FSIP1: variants seen among roughly 807,000 people sequenced by gnomAD.
The protein encoded by FSIP1 is fibrous sheath interacting protein 1.
In FSIP1, 65 loss-of-function variants were observed where a neutral mutation model predicts 60.9. The ratio of observed to expected loss-of-function variants is 1.07; its 90% confidence interval spans 0.87 to 1.31. The LOEUF (loss-of-function observed/expected upper bound fraction) is 1.31. Among genes scored for constraint, FSIP1 ranks in the 40% most tolerant of loss-of-function variants. FSIP1 has a pLI of 0.00. For synonymous variants in FSIP1, 209 were observed against 221.2 expected (o/e 0.94, Z 0.49); for missense variants, 675 against 665.5 (o/e 1.01, Z -0.16).
intron 8 of FSIP1, 56 bp downstream of exon 8, chr15:39,738,035 T>C: frequency 4.0e-6 from 4 of 1,003,726 alleles, no homozygotes; most frequent in Middle Eastern, 2.1e-4. Context: ...GCCAATAATA[T>C]TATTTTTTAA....
At position 39,764,559 on chromosome 15, in the gene FSIP1, T is replaced by C. The variant is rs575411257; in HGVS notation, c.466-645A>G. Reference sequence around the variant, plus strand: ...ACCAATCTCTTATGACAAGGTTCCTTACCTTAAAGGTGCTTTCCTTTGAGG... The same window carrying C: ...ACCAATCTCTTATGACAAGGTTCCTCACCTTAAAGGTGCTTTCCTTTGAGG... On this transcript the variant is annotated intron_variant, in intron 4 of 11. Coordinates refer to ENST00000350221, the MANE Select transcript of FSIP1 (RefSeq NM_152597.5). 2.6e-5 allele frequency among the ~76,000 whole-genome samples: 4 copies of C among 152,374 alleles called. No homozygotes were observed. The South Asian group carries it at 6.2e-4, about 24-fold the overall frequency.
chr15:39,639,750 T>C (rs1408903285), intron 10 of FSIP1, among the ~76,000 whole-genome samples: 1 of 152,178 alleles, frequency 6.6e-6, no homozygotes, highest in Non-Finnish European at 1.5e-5. Context: ...AGTAGCACAC[T>C]CTGGATACCC....
At chr15:39,744,855 G>A (rs1896940939) in intron 5 of FSIP1, among the ~76,000 whole-genome samples, 1 of 150,654 alleles carries the variant, frequency 6.6e-6, no homozygotes, top group South Asian at 2.1e-4. Context: ...GAGAACAGAA[G>A]CTCTCACATG....
intron 10 of FSIP1, among the ~76,000 whole-genome samples, chr15:39,625,028 G>A (rs1028472493): frequency 2.6e-5 from 4 of 152,152 alleles, no homozygotes; most frequent in African/African-American, 9.7e-5. Flanking sequence ...ACGTTGTGGT[G>A]GTGTGGGAAG....
Position 39,679,519 on chromosome 15 carries a change from T to C in FSIP1, c.1188+33925A>G, listed in dbSNP as rs560810730. Among the ~76,000 whole-genome samples the C allele has an allele frequency of 2.0e-5, 3 of 152,240 alleles. No individual in the cohort carries two copies. In the East Asian group the frequency reaches 5.8e-4, roughly 29 times the overall value. On this transcript the variant is annotated intron_variant, in intron 10 of 11. Coordinates refer to ENST00000350221, the MANE Select transcript of FSIP1 (RefSeq NM_152597.5). ...TGGGAGGCTGAGGTGGGAAGATCAT[T>C]TGAGCCAAGGAGCTTGAGGTTACAG...
At chr15:39,732,289 G>C (rs535240373) in intron 8 of FSIP1, among the ~76,000 whole-genome samples, 1 of 152,252 alleles carries the variant, frequency 6.6e-6, no homozygotes, top group South Asian at 2.1e-4. Flanking sequence ...ACCAGTCCCC[G>C]TCCTAGAGAG....
intron 9 of FSIP1, among the ~76,000 whole-genome samples, chr15:39,722,095 G>A (rs908905067): frequency 6.6e-5 from 10 of 152,018 alleles, no homozygotes; most frequent in Middle Eastern, 3.2e-3. Context: ...TCATGTTACC[G>A]CCTGAGCTCT....
At chr15:39,613,146 A>G (rs916695155) in intron 11 of FSIP1, among the ~76,000 whole-genome samples, 41 of 152,188 alleles carry the variant, frequency 2.7e-4, no homozygotes. Flanking sequence ...TGTTTCAAAT[A>G]GCCTTCAACA....
At chr15:39,671,337 T>C (rs886856586) in intron 10 of FSIP1, among the ~76,000 whole-genome samples, 1 of 152,212 alleles carries the variant, frequency 6.6e-6, no homozygotes, top group African/African-American at 2.4e-5. Flanking sequence ...CTTTAGTTCA[T>C]TATGATGAAT....
chr15:39,723,430 C>A (rs183895620), intron 9 of FSIP1, among the ~76,000 whole-genome samples: 1 of 152,178 alleles, frequency 6.6e-6, no homozygotes, highest in Non-Finnish European at 1.5e-5. Flanking sequence ...GGGATTTCAC[C>A]ATGTTAGCCA....
intron 8 of FSIP1, among the ~76,000 whole-genome samples, chr15:39,731,626 A>AT (rs1385417188): frequency 6.6e-6 from 1 of 151,092 alleles, no homozygotes; most frequent in Non-Finnish European, 1.5e-5. Context: ...TGGCATCATC[A>AT]TTTTTTTCTA....
At chr15:39,749,971 GA>G (rs1189079387) in intron 5 of FSIP1, among the ~76,000 whole-genome samples, 1 of 151,806 alleles carries the variant, frequency 6.6e-6, no homozygotes, top group Non-Finnish European at 1.5e-5. Context: ...AAAAGTTGTA[GA>G]GTACAAAATC....
chr15:39,676,127 C>T (rs1427518443), intron 10 of FSIP1, among the ~76,000 whole-genome samples: 2 of 147,946 alleles, frequency 1.4e-5, no homozygotes, highest in African/African-American at 2.5e-5. Context: ...GAGCCAAAAT[C>T]GCGCCACTGC....
chr15:39,720,657 C>T (rs1037106139), intron 9 of FSIP1, among the ~76,000 whole-genome samples: 3 of 152,180 alleles, frequency 2.0e-5, no homozygotes, highest in Non-Finnish European at 4.4e-5. Context: ...TACATAACTC[C>T]TATATCTTAG....
chr15:39,615,564 A>T (rs1304356965), intron 11 of FSIP1, among the ~76,000 whole-genome samples: 2 of 152,090 alleles, frequency 1.3e-5, no homozygotes, highest in African/African-American at 4.8e-5. Context: ...ACGAGATGCT[A>T]CATCACACCT....
At chr15:39,700,358 A>G (rs1370451151) in intron 10 of FSIP1, among the ~76,000 whole-genome samples, 2 of 151,954 alleles carry the variant, frequency 1.3e-5, no homozygotes, top group African/African-American at 4.8e-5. Context: ...TATTTCTCTC[A>G]TGTCATTTAT....
intron 10 of FSIP1, among the ~76,000 whole-genome samples, chr15:39,662,176 G>A (rs1893323317): frequency 6.6e-6 from 1 of 152,020 alleles, no homozygotes; most frequent in Admixed American, 6.6e-5. Context: ...GCTGTGAGGA[G>A]GGGAGGAAGA....
chr15:39,711,497 G>A (rs1895504016), intron 10 of FSIP1, among the ~76,000 whole-genome samples: 1 of 152,060 alleles, frequency 6.6e-6, no homozygotes, highest in African/African-American at 2.4e-5. Context: ...TGGATCATGG[G>A]GAGTGACAGG....
At chr15:39,776,324 T>C (rs963708462) in intron 2 of FSIP1, 75 bp downstream of exon 2, 2 of 1,427,718 alleles carry the variant, frequency 1.4e-6, no homozygotes, top group African/African-American at 2.9e-5. Flanking sequence ...AATGGGATGT[T>C]AACAACAACC....
Sources: gnomAD v4.1 joint callset for allele counts (sites outside exome capture counted in the v4.1 genomes callset) on GRCh38, gnomAD v4.1.1 for gene constraint, MANE v1.5 for transcripts, NCBI Gene and HGNC (gene_info 2026-07-23, HGNC 2026-07-21) for gene names.